STRBP: variants seen among roughly 807,000 people sequenced by gnomAD.
The protein encoded by STRBP is spermatid perinuclear RNA binding protein, also known as spermatid perinuclear RNA-binding protein.
STRBP carries 13 observed loss-of-function variants against 80.1 expected under a neutral mutation model. That is an observed-to-expected ratio of 0.16 (90% confidence interval 0.11 to 0.26). The LOEUF is 0.26. STRBP is among the 10% of genes least tolerant of loss of function. STRBP has a pLI of 1.00. For synonymous variants in STRBP, 284 were observed against 291.2 expected (o/e 0.98, Z 0.25); for missense variants, 485 against 815.2 (o/e 0.59, Z 4.93).
At chr9:123,127,723 C>A (rs2035953039) in intron 18 of STRBP, among the ~76,000 whole-genome samples, 1 of 152,156 alleles carries the variant, frequency 6.6e-6, no homozygotes, top group Admixed American at 6.5e-5. Flanking sequence ...TCTCTAGGGC[C>A]AATGATACCC....
chr9:123,118,178 ATAC>A (rs1160081405), downstream of STRBP, among the ~76,000 whole-genome samples: 1 of 152,190 alleles, frequency 6.6e-6, no homozygotes, highest in African/African-American at 2.4e-5. Flanking sequence ...TAAACTAAGG[ATAC>A]TACTATTGCC....
chr9:123,172,795 G>GA (rs1338863129), intron 5 of STRBP, among the ~76,000 whole-genome samples: 2 of 151,710 alleles, frequency 1.3e-5, no homozygotes, highest in Admixed American at 1.3e-4. Flanking sequence ...CATACATCTT[G>GA]AAAAAAAGAC....
At chr9:123,224,711 C>G (rs1279606308) in intron 2 of STRBP, among the ~76,000 whole-genome samples, 1 of 152,106 alleles carries the variant, frequency 6.6e-6, no homozygotes, top group Non-Finnish European at 1.5e-5. Flanking sequence ...CTATTGAAAA[C>G]AGAGGAAGAT....
chr9:123,131,884 G>A (rs2036152404), intron 17 of STRBP, among the ~76,000 whole-genome samples: 1 of 152,166 alleles, frequency 6.6e-6, no homozygotes, highest in African/African-American at 2.4e-5. Context: ...TTAGAGGAAA[G>A]CACAAAGTGA....
At chr9:123,240,736 T>G (rs899062297) in intron 1 of STRBP, among the ~76,000 whole-genome samples, 2 of 152,214 alleles carry the variant, frequency 1.3e-5, no homozygotes, top group African/African-American at 4.8e-5. Flanking sequence ...GGCCCCCTTC[T>G]CTGGTATCAC....
chr9:123,213,696 G>A (rs980387940), intron 2 of STRBP: 3 of 152,176 alleles, frequency 2.0e-5, no homozygotes, highest in Non-Finnish European at 4.4e-5. Context: ...GAGCCAAGGC[G>A]GGTGGATCAC....
intron 5 of STRBP, among the ~76,000 whole-genome samples, chr9:123,170,550 T>A (rs1028768203): frequency 1.3e-5 from 2 of 152,190 alleles, no homozygotes; most frequent in African/African-American, 4.8e-5. Context: ...AAAGTATCTC[T>A]GCACAGTCAC....
intron 2 of STRBP, among the ~76,000 whole-genome samples, chr9:123,228,521 TA>T (rs1387818074): frequency 1.3e-5 from 2 of 152,150 alleles, no homozygotes; most frequent in Non-Finnish European, 2.9e-5. Flanking sequence ...CAAAAGTGAA[TA>T]AAGTGTATTA....
chr9:123,164,564 T>C (rs895945201), intron 6 of STRBP, among the ~76,000 whole-genome samples: 1 of 152,184 alleles, frequency 6.6e-6, no homozygotes. Context: ...TATCTGTCCC[T>C]GTTAACAAAA....
At chr9:123,113,779 T>C (rs1464521460) in intron 3 of STRBP, 1 of 167,146 alleles carries the variant, frequency 6.0e-6, no homozygotes, top group Non-Finnish European at 1.5e-5. Context: ...CAGCCAAGTT[T>C]GGCAAAATAC....
intron 1 of STRBP, among the ~76,000 whole-genome samples, chr9:123,250,480 G>A (rs1044673318): frequency 6.6e-5 from 10 of 151,940 alleles, no homozygotes; most frequent in African/African-American, 1.9e-4. Context: ...TGGGGTCCTC[G>A]ATAATGTTTA....
intron 13 of STRBP, among the ~76,000 whole-genome samples, chr9:123,140,757 T>C (rs1410939629): frequency 6.6e-6 from 1 of 152,234 alleles, no homozygotes; most frequent in African/African-American, 2.4e-5. Context: ...AAACTTCTTA[T>C]ACTTTCAGTC....
intron 1 of STRBP, among the ~76,000 whole-genome samples, chr9:123,251,188 T>C (rs1393056180): frequency 6.8e-6 from 1 of 146,348 alleles, no homozygotes; most frequent in African/African-American, 2.5e-5. Context: ...TTTCTTTCCT[T>C]CTTTTCTTTT....
downstream of STRBP, among the ~76,000 whole-genome samples, chr9:123,117,652 C>A (rs1366310047): frequency 2.6e-5 from 4 of 152,222 alleles, no homozygotes; most frequent in Non-Finnish European, 4.4e-5. Flanking sequence ...TCCAGGGACA[C>A]CCCCTTGCAC....
intron 2 of STRBP, among the ~76,000 whole-genome samples, chr9:123,235,181 C>T (rs149809050): frequency 2.0e-4 from 31 of 152,182 alleles, no homozygotes; most frequent in Non-Finnish European, 3.8e-4. Context: ...TAACAACACA[C>T]TTGCCAGCAT....
At chr9:123,175,956 C>T (rs1228955638) in intron 4 of STRBP, among the ~76,000 whole-genome samples, 3 of 152,224 alleles carry the variant, frequency 2.0e-5, no homozygotes, top group Admixed American at 1.3e-4. Context: ...GACATCGCTT[C>T]CTGGTTCAAA....
At position 123,124,139 on chromosome 9, in the gene STRBP, A is replaced by G. The variant is rs2035812704; in HGVS notation, c.*1458T>C. On this transcript the variant is annotated 3_prime_UTR_variant, in exon 19 of 19. Coordinates refer to ENST00000348403, the MANE Select transcript of STRBP (RefSeq NM_018387.5). ...TAGTGGTCCCGAAGGAATTTGGTACATACATTTGCCATATTTTGTGAAGCC... is the reference window on the plus strand; with the variant it reads ...TAGTGGTCCCGAAGGAATTTGGTACGTACATTTGCCATATTTTGTGAAGCC... 1 of 985,346 alleles carries G rather than the reference A, an allele frequency of 1.0e-6. No homozygotes were observed. The highest frequency in any genetic ancestry group is 6.1e-5 in the Admixed American group (1 of 16,270). 61.0% of individuals were successfully genotyped at this position (985,346 alleles called of 1,614,324 possible).
At chr9:123,268,309 G>A (rs1175476243) in intron 1 of STRBP, 127 bp downstream of exon 1, 1 of 151,986 alleles carries the variant, frequency 6.6e-6, no homozygotes, top group African/African-American at 2.4e-5. Flanking sequence ...CGCCGCCGCT[G>A]CTAAGGACGC....
intron 2 of STRBP, among the ~76,000 whole-genome samples, chr9:123,206,015 A>G (rs548951668): frequency 5.6e-4 from 85 of 152,344 alleles, no homozygotes; most frequent in African/African-American, 1.9e-3. Context: ...AATTGGTATA[A>G]AAGCAATAGA....
Sources: allele counts gnomAD v4.1 joint callset (sites outside exome capture counted in the v4.1 genomes callset), GRCh38; gene constraint gnomAD v4.1.1; transcripts MANE v1.5; gene names NCBI Gene and HGNC (gene_info 2026-07-23, HGNC 2026-07-21).